LINGO2: variants seen among roughly 807,000 people sequenced by gnomAD.
LINGO2 encodes the protein leucine rich repeat and Ig domain containing 2.
A neutral mutation model predicts 30.6 loss-of-function variants in LINGO2; 14 were observed. The ratio of observed to expected loss-of-function variants is 0.46; its 90% CI spans 0.30 to 0.72. The LOEUF is 0.72. Among genes scored for constraint, LINGO2 ranks in the 30% least tolerant of loss-of-function variants. The pLI is 0.07. For synonymous variants in LINGO2, 317 were observed against 288.5 expected (o/e 1.10, Z -1.00); for missense variants, 729 against 751.7 (o/e 0.97, Z 0.35).
intron 5 of LINGO2, among the ~76,000 whole-genome samples, chr9:27,982,119 T>G (rs1820909312): frequency 6.6e-6 from 1 of 151,818 alleles, no homozygotes; most frequent in African/African-American, 2.4e-5. Context: ...AGGGTTACTA[T>G]GGCAATCAGC....
intron 2 of LINGO2, among the ~76,000 whole-genome samples, chr9:28,437,818 T>C (rs958752291): frequency 6.6e-6 from 1 of 152,162 alleles, no homozygotes; most frequent in African/African-American, 2.4e-5. Context: ...GAAGGCCCTT[T>C]CATAATTTTT....
chr9:28,507,842 C>A (rs544584380), intron 1 of LINGO2, among the ~76,000 whole-genome samples: 6 of 152,024 alleles, frequency 3.9e-5, no homozygotes, highest in African/African-American at 1.4e-4. Flanking sequence ...AAATTAACTG[C>A]AAAACTAGCA....
chr9:28,572,255 A>T (rs749371674), intron 1 of LINGO2, among the ~76,000 whole-genome samples: 14 of 152,050 alleles, frequency 9.2e-5, no homozygotes, highest in Non-Finnish European at 2.1e-4. Flanking sequence ...ACTTAACACT[A>T]TCCTTGGATT....
the LINGO2 span, among the ~76,000 whole-genome samples, chr9:28,899,180 T>C: frequency 6.6e-6 from 1 of 152,162 alleles, no homozygotes; most frequent in Non-Finnish European, 1.5e-5. Context: ...ATCACCCACA[T>C]TGCCCCGTCC....
chr9:28,999,970 C>G, the LINGO2 span, among the ~76,000 whole-genome samples: 1 of 151,936 alleles, frequency 6.6e-6, no homozygotes, highest in Non-Finnish European at 1.5e-5. Context: ...GTACTTCACC[C>G]AACTCTCAAA....
chr9:28,218,554 A>C (rs1820849706), intron 4 of LINGO2, among the ~76,000 whole-genome samples: 4 of 152,104 alleles, frequency 2.6e-5, no homozygotes. Flanking sequence ...GTATCATCTC[A>C]CAGCCCAATA....
chr9:28,864,230 T>G, the LINGO2 span, among the ~76,000 whole-genome samples: 1 of 152,088 alleles, frequency 6.6e-6, no homozygotes, highest in African/African-American at 2.4e-5. Context: ...ACCCCTGAAC[T>G]TAAAATAAAA....
rs528432166 is a variant in LINGO2 at position 28,525,735 on chromosome 9, C to T, written c.-364-49710G>A. ...TAAAACCAGATCTTCATAACTGTCACAAAACTCTAAAAATATGTTTTTTAA... is the reference window on the plus strand; with the variant it reads ...TAAAACCAGATCTTCATAACTGTCATAAAACTCTAAAAATATGTTTTTTAA... On this transcript the variant is annotated intron_variant, in intron 1 of 5. Coordinates refer to ENST00000379992, the Ensembl canonical transcript of LINGO2. Among the ~76,000 whole-genome samples the T allele has an allele frequency of 2.0e-5, 3 of 152,136 alleles. No individual in the cohort carries two copies. In the East Asian group the frequency reaches 5.8e-4, roughly 29 times the overall value.
chr9:28,139,975 G>T (rs767644862), intron 4 of LINGO2, among the ~76,000 whole-genome samples: 34 of 152,236 alleles, frequency 2.2e-4, no homozygotes, highest in African/African-American at 8.2e-4. Context: ...ATTAAAAAAA[G>T]TGCCTTTACC....
intron 4 of LINGO2, among the ~76,000 whole-genome samples, chr9:28,264,095 C>T (rs929170683): frequency 6.6e-6 from 1 of 151,908 alleles, no homozygotes; most frequent in Non-Finnish European, 1.5e-5. Context: ...CTGTAGCCAT[C>T]AAATCATCTT....
intron 1 of LINGO2, among the ~76,000 whole-genome samples, chr9:28,565,929 G>A (rs928193984): frequency 3.3e-5 from 5 of 152,004 alleles, no homozygotes; most frequent in African/African-American, 1.2e-4. Context: ...CACTCTTGGG[G>A]CTTTACACTC....
rs765464379 is a variant in LINGO2, at chr9:28,347,918, T to TCTC, written c.-246+24917_-246+24918insGAG. ...TTCTACTATGTTGTTACTGCCTCTC[T>TCTC]TGAGATAATTAGTATTATCATTTAT... On this transcript the variant is annotated intron_variant, in intron 3 of 5. Coordinates refer to ENST00000379992, the Ensembl canonical transcript of LINGO2. 1.5e-3 allele frequency among the ~76,000 whole-genome samples: 222 copies of TCTC among 152,200 alleles called. 2 individuals carry two copies. Among genetic ancestry groups the TCTC allele is most frequent in the Non-Finnish European group, 1.2e-3 (79 of 68,032 alleles).
chr9:28,005,650 T>A (rs1165806636), intron 5 of LINGO2, among the ~76,000 whole-genome samples: 2 of 152,104 alleles, frequency 1.3e-5, no homozygotes, highest in Non-Finnish European at 2.9e-5. Flanking sequence ...TTGAGTGTGT[T>A]GTGTTGGTGG....
the LINGO2 span, among the ~76,000 whole-genome samples, chr9:28,888,322 C>A: frequency 6.6e-6 from 1 of 151,988 alleles, no homozygotes; most frequent in African/African-American, 2.4e-5. Flanking sequence ...CAGATTCATG[C>A]TATCAATGCT....
At chr9:28,076,511 T>G (rs1180332251) in intron 4 of LINGO2, among the ~76,000 whole-genome samples, 1 of 152,092 alleles carries the variant, frequency 6.6e-6, no homozygotes, top group East Asian at 1.9e-4. Flanking sequence ...TTAGATGTTA[T>G]GATGTTTATT....
chr9:29,101,328 G>A, the LINGO2 span, among the ~76,000 whole-genome samples: 1 of 152,176 alleles, frequency 6.6e-6, no homozygotes, highest in African/African-American at 2.4e-5. Context: ...GGGGACTTAA[G>A]AAACTATTCA....
At chr9:28,071,008 C>G (rs748638954) in intron 4 of LINGO2, among the ~76,000 whole-genome samples, 1 of 152,144 alleles carries the variant, frequency 6.6e-6, no homozygotes, top group African/African-American at 2.4e-5. Flanking sequence ...AGCCACCATG[C>G]CTGGCCCCAG....
At chr9:28,388,916 C>G (rs1821711928) in intron 2 of LINGO2, among the ~76,000 whole-genome samples, 1 of 151,506 alleles carries the variant, frequency 6.6e-6, no homozygotes, top group Non-Finnish European at 1.5e-5. Context: ...CTCTCTCTTT[C>G]TTTGGATTTC....
At chr9:28,564,601 CA>C (rs1300582564) in intron 1 of LINGO2, among the ~76,000 whole-genome samples, 1 of 152,138 alleles carries the variant, frequency 6.6e-6, no homozygotes, top group Non-Finnish European at 1.5e-5. Flanking sequence ...CTCCTCCTTT[CA>C]CCACTGCTGT....
Sources: gnomAD v4.1 joint callset for allele counts (sites outside exome capture counted in the v4.1 genomes callset) on GRCh38, gnomAD v4.1.1 for gene constraint, MANE v1.5 for transcripts, NCBI Gene and HGNC (gene_info 2026-07-23, HGNC 2026-07-21) for gene names.